Variants in CRX observed in about 807,000 individuals in gnomAD.
CRX encodes the protein cone-rod homeobox, also known as cone-rod homeobox protein.
In CRX, 5 loss-of-function variants were observed where a neutral mutation model predicts 13.1. The ratio of observed to expected loss-of-function variants is 0.38; its 90% CI spans 0.20 to 0.80. The LOEUF is 0.80. Among genes scored for constraint, CRX ranks in the 30% least tolerant of loss-of-function variants. CRX has a pLI of 0.43. For synonymous variants in CRX, 179 were observed against 171.1 expected (o/e 1.05, Z -0.36); for missense variants, 351 against 391.8 (o/e 0.90, Z 0.88).
intron 2 of CRX, among the ~76,000 whole-genome samples, chr19:47,835,227 AT>A (rs370919775): frequency 0.12 from 18,338 of 147,446 alleles, 1,508 homozygotes; most frequent in Non-Finnish European, 0.18. Flanking sequence ...AATTATTATT[AT>A]TTTTTTTTTT....
At chr19:47,822,812 G>C (rs752986862) in intron 1 of CRX, among the ~76,000 whole-genome samples, 3 of 151,940 alleles carry the variant, frequency 2.0e-5, no homozygotes, top group Non-Finnish European at 4.4e-5. Context: ...GTTTGTTTTT[G>C]AGATGGAGTC....
At chr19:47,831,372 C>A (rs1968043471) in intron 1 of CRX, among the ~76,000 whole-genome samples, 1 of 152,000 alleles carries the variant, frequency 6.6e-6, no homozygotes, top group Admixed American at 6.6e-5. Context: ...AATAGGGTCC[C>A]CAACCCCCGG....
In CRX at chr19:47,841,120, C is replaced by T. The variant is rs1968191927; in HGVS notation, c.*1153C>T. 6.6e-6 allele frequency: 1 copy of T among 152,142 alleles called. No homozygotes were observed. The highest frequency in any genetic ancestry group is 1.5e-5 in the Non-Finnish European group (1 of 68,042). 9.4% of individuals were successfully genotyped at this position (152,142 alleles called of 1,614,324 possible). A position where few individuals can be genotyped will look rare whatever the true frequency, so the allele number is the denominator to read the frequency against. On this transcript the variant is annotated 3_prime_UTR_variant, in exon 4 of 4. Transcript: ENST00000221996. ...AAACCTTAGGCCAATGATGTGGTTA[C>T]ATTAAAAATAAATTATCTGGGAATT...
At chr19:47,831,027 G>C (rs1166851798) in intron 1 of CRX, among the ~76,000 whole-genome samples, 1 of 151,730 alleles carries the variant, frequency 6.6e-6, no homozygotes, top group African/African-American at 2.4e-5. Flanking sequence ...ATGAATAACA[G>C]ACCGGGTGTA....
chr19:47,837,432 G>A lies in CRX; in HGVS notation c.252+1038G>A, dbSNP rs796527109. ...TCCTACTGCCTCGGCCTTCCAGAGCGCTGGGATTACAGGCGTGAGCCACCG... is the reference window on the plus strand; with the variant it reads ...TCCTACTGCCTCGGCCTTCCAGAGCACTGGGATTACAGGCGTGAGCCACCG... On this transcript the variant is annotated intron_variant, in intron 3 of 3. Transcript: ENST00000221996. Among the ~76,000 whole-genome samples, 6 of 152,180 alleles carry A rather than the reference G, an allele frequency of 3.9e-5. No individual in the cohort carries two copies. In the South Asian group the frequency reaches 8.3e-4, roughly 21 times the overall value.
intron 1 of CRX, among the ~76,000 whole-genome samples, chr19:47,824,897 A>G (rs1967956345): frequency 6.6e-6 from 1 of 151,362 alleles, no homozygotes; most frequent in South Asian, 2.1e-4. Flanking sequence ...TCTTGTATAT[A>G]AAGCCTGGGC....
At chr19:47,827,840 A>T (rs1967993990) in intron 1 of CRX, among the ~76,000 whole-genome samples, 1 of 17,844 alleles carries the variant, frequency 5.6e-5, no homozygotes, top group African/African-American at 3.1e-4. Flanking sequence ...CTTTATTAAA[A>T]AAAAAAAAAA....
At chr19:47,822,934 C>G (rs923284529) in intron 1 of CRX, among the ~76,000 whole-genome samples, 3 of 152,144 alleles carry the variant, frequency 2.0e-5, no homozygotes, top group African/African-American at 7.2e-5. Context: ...GCTGGAATTA[C>G]AGGCGCGTGC....
At position 47,839,428 on chromosome 19, in the gene CRX, G is replaced by A; in HGVS notation, c.361G>A (p.Ala121Thr). Reference sequence around the variant, plus strand: ...CAAGGCCCGGCCTGCCAAGAGGAAGGCGGGCACGTCCCCAAGACCCTCCAC... The same window carrying A: ...CAAGGCCCGGCCTGCCAAGAGGAAGACGGGCACGTCCCCAAGACCCTCCAC... ...QAKARPAKRK[A>T]GTSPRPSTDV... The change falls in exon 4 of 4, where the codon GCG (alanine) becomes ACG (threonine). Residue 121 changes from alanine (A) to threonine (T), a missense_variant. Ala to Thr is a moderately conservative substitution (Grantham distance 58). Transcript: ENST00000221996. This position sits in a 1 kb window ranked among gnomAD's most constrained non-coding sequence, Gnocchi z 4.6. 1 of 1,613,864 alleles carries A rather than the reference G, an allele frequency of 6.2e-7. No individual in the cohort carries two copies. Among genetic ancestry groups the A allele is most frequent in the Non-Finnish European group, 8.5e-7 (1 of 1,179,858 alleles).
In CRX at chr19:47,839,219, C is replaced by G; in HGVS notation, c.253-101C>G. 1 of 1,300,734 alleles carries G rather than the reference C, an allele frequency of 7.7e-7. No homozygotes were observed. Among genetic ancestry groups the G allele is most frequent in the Non-Finnish European group, 1.1e-6 (1 of 940,456 alleles). 80.6% of individuals were successfully genotyped at this position (1,300,734 alleles called of 1,614,324 possible). On this transcript the variant is annotated intron_variant, in intron 3 of 3. Transcript: ENST00000221996. The surrounding 1 kb of genome is among the most constrained non-coding windows in gnomAD (Gnocchi z 4.6). ...GATGCAAAGTAGACAGATGTGAACC[C>G]AGCACCTCTCACCAATAAGTGTCCT... is the stretch of plus-strand genomic sequence containing the variant.
chr19:47,823,332 C>T (rs1452063702), intron 1 of CRX, among the ~76,000 whole-genome samples: 5 of 152,172 alleles, frequency 3.3e-5, no homozygotes, highest in Admixed American at 6.6e-5. Flanking sequence ...CCAAAAGGAA[C>T]GAGCGAGGGC....
Position 47,828,893 on chromosome 19 carries a change from A to AACACACAC in CRX, c.-35-5474_-35-5467dup, listed in dbSNP as rs59471457. On this transcript the variant is annotated intron_variant, in intron 1 of 3. Coordinates refer to ENST00000221996, the MANE Select transcript of CRX (RefSeq NM_000554.6). Reference sequence around the variant, plus strand: ...TATTGTTGTTTTTGCTTTTGACAAGAACACACACACACACACACACACACA... The same window carrying AACACACAC: ...TATTGTTGTTTTTGCTTTTGACAAGAACACACACACACACACACACACACACACACACA... Among the ~76,000 whole-genome samples, 32 of 134,144 alleles carry AACACACAC rather than the reference A, an allele frequency of 2.4e-4. No homozygotes were observed. In the East Asian group the frequency reaches 3.5e-3, roughly 15 times the overall value. The allele number at this position is 134,144 out of a possible 152,430, so 88.0% of individuals were successfully genotyped here.
chr19:47,825,037 T>C (rs34469429), intron 1 of CRX, among the ~76,000 whole-genome samples: 35,852 of 133,306 alleles, frequency 0.27, 4,928 homozygotes, highest in Middle Eastern at 0.33. Flanking sequence ...GTCGCCCAGG[T>C]TGGAATGCAG....
intron 1 of CRX, among the ~76,000 whole-genome samples, chr19:47,826,709 G>A (rs1036938154): frequency 2.0e-5 from 3 of 152,228 alleles, no homozygotes; most frequent in Non-Finnish European, 4.4e-5. Flanking sequence ...GAAGGCTTGT[G>A]TATTAGTTAA....
intron 1 of CRX, among the ~76,000 whole-genome samples, chr19:47,832,105 G>GTATTTTTTTTTTTTT (rs1968054734): frequency 1.1e-5 from 1 of 91,988 alleles, no homozygotes; most frequent in Admixed American, 1.3e-4. Flanking sequence ...GCAGCCTTAT[G>GTATTTTTTTTTTTTT]TTTTTTTTTT....
At chr19:47,827,807 G>C (rs1967992772) in intron 1 of CRX, among the ~76,000 whole-genome samples, 1 of 109,174 alleles carries the variant, frequency 9.2e-6, no homozygotes, top group East Asian at 3.2e-4. Flanking sequence ...ACAGGCAAGA[G>C]CCCCTGCTCC....
chr19:47,843,223 A>C lies in CRX; in HGVS notation c.*3256A>C, dbSNP rs753173848. ...GGAAGAAGCCAGGAGCCTCCCTGAG[A>C]AGGTGTCACCTTATCTGTCCTCCTC... On this transcript the variant is annotated 3_prime_UTR_variant, in exon 4 of 4. Coordinates refer to ENST00000221996, the MANE Select transcript of CRX (RefSeq NM_000554.6). 3.3e-5 allele frequency: 5 copies of C among 152,260 alleles called. No homozygotes were observed. Among genetic ancestry groups the C allele is most frequent in the Non-Finnish European group, 5.9e-5 (4 of 68,094 alleles). 9.4% of individuals were successfully genotyped at this position (152,260 alleles called of 1,614,324 possible).
chr19:47,823,430 G>A (rs116592463), intron 1 of CRX, among the ~76,000 whole-genome samples: 112 of 152,296 alleles, frequency 7.4e-4, no homozygotes, highest in African/African-American at 2.5e-3. Context: ...TGTTGATCAC[G>A]GAGTTGATTT....
intron 1 of CRX, among the ~76,000 whole-genome samples, chr19:47,827,709 G>C (rs1274579795): frequency 1.3e-5 from 2 of 148,810 alleles, no homozygotes; most frequent in African/African-American, 4.9e-5. Flanking sequence ...TTTTAGTAGA[G>C]ATGGGGTTTC....
Sources: allele counts gnomAD v4.1 joint callset (sites outside exome capture counted in the v4.1 genomes callset), GRCh38; gene constraint gnomAD v4.1.1; non-coding constraint Gnocchi (gnomAD v3.1); transcripts MANE v1.5; gene names NCBI Gene and HGNC (gene_info 2026-07-23, HGNC 2026-07-21).